PPOX: variants seen among roughly 807,000 people sequenced by gnomAD.
PPOX encodes the protein protoporphyrinogen oxidase.
Under a neutral mutation model 54.1 loss-of-function variants are expected in PPOX, and 23 were observed. The ratio of observed to expected loss-of-function variants is 0.43; its 90% CI spans 0.31 to 0.60. The LOEUF (loss-of-function observed/expected upper bound fraction) is 0.60. Among genes scored for constraint, PPOX ranks in the 20% least tolerant of loss-of-function variants. The probability of loss-of-function intolerance (pLI) is 0.13; values close to 1 mark genes in which losing one functional copy is unlikely to be tolerated. For missense variants in PPOX, 512 were observed against 601.1 expected (o/e 0.85, Z 1.55); for synonymous variants, 224 against 236.1 (o/e 0.95, Z 0.47).
intron 5 of PPOX, 78 bp downstream of exon 5, chr1:161,168,205 G>A: frequency 1.2e-6 from 2 of 1,608,472 alleles, no homozygotes; most frequent in South Asian, 2.2e-5. Flanking sequence ...CTACCACCTA[G>A]GGGCTCTTCT....
chr1:161,173,990 C>T (rs1662474068), downstream of PPOX: 3 of 1,614,032 alleles, frequency 1.9e-6, no homozygotes, highest in South Asian at 3.3e-5. Context: ...CTTCATCACG[C>T]AGGGCCTCTC....
Position 161,166,530 on chromosome 1 carries a change from G to A in PPOX, c.-151G>A, listed in dbSNP as rs115158839. On this transcript the variant is annotated 5_prime_UTR_variant, in exon 1 of 13. Coordinates refer to ENST00000367999, the MANE Select transcript of PPOX (RefSeq NM_001122764.3). ...GCAAGCAGAGCACCTCAGAACTCAG[G>A]CGTACTGCCCGCCGCCCGAGCCCTG... The A allele has an allele frequency of 1.5e-6, 2 of 1,363,112 alleles. No homozygotes were observed. The highest frequency in any genetic ancestry group is 3.1e-5 in the Admixed American group (1 of 32,732). 84.4% of individuals were successfully genotyped at this position (1,363,112 alleles called of 1,614,324 possible). A position where few individuals can be genotyped will look rare whatever the true frequency, so the allele number is the denominator to read the frequency against.
downstream of PPOX, chr1:161,171,636 A>T: frequency 2.6e-6 from 2 of 775,446 alleles, no homozygotes; most frequent in Non-Finnish European, 4.0e-6. Context: ...AGAGAGAGGG[A>T]CCCCTCAGGT....
intron 4 of PPOX, chr1:161,176,622 C>T (rs998106866): frequency 8.8e-6 from 5 of 565,018 alleles, no homozygotes; most frequent in African/African-American, 5.6e-5. Flanking sequence ...CCTGCACCGC[C>T]AGAGATCAGG....
downstream of PPOX, chr1:161,175,171 C>T (rs1663041501): frequency 7.4e-6 from 12 of 1,613,588 alleles, no homozygotes; most frequent in South Asian, 1.1e-5. Context: ...CCGGGGATTC[C>T]GCTCCACAAT....
chr1:161,166,140 C>T, upstream of PPOX: 2 of 985,352 alleles, frequency 2.0e-6, no homozygotes, highest in Non-Finnish European at 2.4e-6. Flanking sequence ...CTCCTGCGGC[C>T]TTCCCTCTAG....
downstream of PPOX, among the ~76,000 whole-genome samples, chr1:161,172,969 G>C (rs1286189983): frequency 1.3e-5 from 2 of 152,158 alleles, no homozygotes; most frequent in African/African-American, 4.8e-5. Flanking sequence ...CAGAAGCATG[G>C]AGTGCAGATG....
At chr1:161,166,331 A>G, upstream of PPOX, 4 of 1,030,446 alleles carry the variant, frequency 3.9e-6, no homozygotes, top group Non-Finnish European at 4.7e-6. Context: ...CTGCCAGTTC[A>G]ATGTTTTATT....
At chr1:161,177,085 G>C (rs1255062562), downstream of PPOX, 1 of 1,533,612 alleles carries the variant, frequency 6.5e-7, no homozygotes, top group East Asian at 2.4e-5. Flanking sequence ...TCTTCTAGCG[G>C]GGGTGGGGAG....
At chr1:161,175,789 T>C, downstream of PPOX, 1 of 1,609,050 alleles carries the variant, frequency 6.2e-7, no homozygotes, top group East Asian at 2.2e-5. Context: ...TTTCACCACC[T>C]CCTTCCTCCT....
downstream of PPOX, chr1:161,171,947 C>T (rs1661597711): frequency 1.9e-6 from 3 of 1,613,970 alleles, no homozygotes; most frequent in Non-Finnish European, 2.5e-6. Flanking sequence ...CCAGAAGGAG[C>T]CCGAGGACCC....
At chr1:161,173,406 C>T (rs1222623437), downstream of PPOX, among the ~76,000 whole-genome samples, 1 of 152,130 alleles carries the variant, frequency 6.6e-6, no homozygotes. Context: ...ACAAACTAAC[C>T]AGGAGACTGA....
intron 5 of PPOX, 24 bp downstream of exon 5, chr1:161,168,151 A>G (rs1354751372): frequency 3.1e-6 from 5 of 1,614,102 alleles, no homozygotes; most frequent in Middle Eastern, 1.6e-4. Flanking sequence ...AGAGGCCCCA[A>G]ACCTCTTCCC....
chr1:161,171,744 G>A (rs1661501965), downstream of PPOX: 3 of 1,559,778 alleles, frequency 1.9e-6, no homozygotes, highest in Non-Finnish European at 2.6e-6. Context: ...TGAGAACAGT[G>A]AGGAGCTGAG....
downstream of PPOX, among the ~76,000 whole-genome samples, chr1:161,172,778 A>G (rs140312917): frequency 6.6e-6 from 1 of 151,958 alleles, no homozygotes; most frequent in Non-Finnish European, 1.5e-5. Flanking sequence ...CTGCAATCCT[A>G]GCACTTTTGG....
Position 161,170,783 on chromosome 1 carries a change from A to G in PPOX, c.1248+14A>G. 6.2e-7 allele frequency: 1 copy of G among 1,614,062 alleles called. No homozygotes were observed. Among genetic ancestry groups the G allele is most frequent in the Non-Finnish European group, 8.5e-7 (1 of 1,180,012 alleles). Reference sequence around the variant, plus strand: ...CATCTACACAAGGTAAGTTGGGATAAACTTCCCTCAGCTCTCCACTGAAGG... The same window carrying G: ...CATCTACACAAGGTAAGTTGGGATAGACTTCCCTCAGCTCTCCACTGAAGG... On this transcript the variant is annotated intron_variant, in intron 11 of 12. Coordinates refer to ENST00000367999, the MANE Select transcript of PPOX (RefSeq NM_001122764.3).
Position 161,167,356 on chromosome 1 carries a change from G to C in PPOX, c.223-15G>C, listed in dbSNP as rs777438606. The C allele has an allele frequency of 6.2e-7, 1 of 1,614,006 alleles. No individual in the cohort carries two copies. Among genetic ancestry groups the C allele is most frequent in the Admixed American group, 1.7e-5 (1 of 60,002 alleles). On this transcript the variant is annotated splice_polypyrimidine_tract_variant and intron_variant, in intron 3 of 12. Transcript: ENST00000367999. The stretch of plus-strand genomic sequence containing the variant: ...TCCCTTAGTTTCTCCTCTTCTGAGG[G>C]CATGTGGAGAGCAGGTTTCTGAGCT...
In PPOX at chr1:161,168,253, C is replaced by A. The variant is rs115475285; in HGVS notation, c.471+126C>A. On this transcript the variant is annotated intron_variant, in intron 5 of 12. Coordinates refer to ENST00000367999, the MANE Select transcript of PPOX (RefSeq NM_001122764.3). Reference sequence around the variant, plus strand: ...GATGCCCTCTTCTCTTCATACCCCACCCCCTCATAATTCCCAAAACTCATT... The same window carrying A: ...GATGCCCTCTTCTCTTCATACCCCAACCCCTCATAATTCCCAAAACTCATT... 54 of 1,545,852 alleles carry A rather than the reference C, an allele frequency of 3.5e-5. No individual in the cohort carries two copies. In the African/African-American group the frequency reaches 6.7e-4, roughly 19 times the overall value.
downstream of PPOX, chr1:161,177,088 G>A: frequency 6.5e-7 from 1 of 1,530,094 alleles, no homozygotes; most frequent in Non-Finnish European, 8.8e-7. Context: ...TCTAGCGGGG[G>A]TGGGGAGGAG....
Sources: allele counts gnomAD v4.1 joint callset (sites outside exome capture counted in the v4.1 genomes callset), GRCh38; gene constraint gnomAD v4.1.1; transcripts MANE v1.5; gene names NCBI Gene and HGNC (gene_info 2026-07-23, HGNC 2026-07-21).